ANKFN1: variants seen among roughly 807,000 people sequenced by gnomAD.
ANKFN1 encodes the protein ankyrin repeat and fibronectin type-III domain-containing protein 1.
Under a neutral mutation model 108.7 loss-of-function variants are expected in ANKFN1, and 74 were observed. The ratio of observed to expected loss-of-function variants is 0.68; its 90% CI spans 0.56 to 0.83. The LOEUF is 0.83. Among genes scored for constraint, ANKFN1 ranks in the 40% least tolerant of loss-of-function variants. The pLI is 0.00. For missense variants in ANKFN1, 1,505 were observed against 1,382.3 expected (o/e 1.09, Z -1.41); for synonymous variants, 547 against 516.2 (o/e 1.06, Z -0.81).
intron 3 of ANKFN1, among the ~76,000 whole-genome samples, chr17:56,261,374 A>G (rs148801171): frequency 3.9e-5 from 6 of 152,358 alleles, no homozygotes; most frequent in African/African-American, 1.4e-4. Flanking sequence ...GGGTAGCTCT[A>G]TAACTCCAGT....
intron 8 of ANKFN1, among the ~76,000 whole-genome samples, chr17:56,428,002 G>A (rs1006100152): frequency 7.9e-5 from 12 of 152,148 alleles, no homozygotes; most frequent in Admixed American, 3.3e-4. Context: ...GAAGGCCAAA[G>A]CAGGTGGATC....
chr17:56,419,280 G>A (rs912035528), intron 8 of ANKFN1, among the ~76,000 whole-genome samples: 29 of 147,656 alleles, frequency 2.0e-4, no homozygotes, highest in African/African-American at 7.0e-4. Flanking sequence ...TCTGGAATTC[G>A]AGACCAGCCT....
intron 15 of ANKFN1, chr17:56,472,939 A>G (rs997351279): frequency 3.9e-5 from 6 of 152,264 alleles, no homozygotes; most frequent in Non-Finnish European, 7.3e-5. Flanking sequence ...AATTGAGAGC[A>G]TGATAAAGAA....
At chr17:56,326,143 G>A in intron 3 of ANKFN1, 78 bp from the exon 4 acceptor site, 1 of 1,495,592 alleles carries the variant, frequency 6.7e-7, no homozygotes, top group Non-Finnish European at 8.9e-7. Context: ...CTTTTATTTT[G>A]CATTAAGAGT....
chr17:56,310,561 G>A (rs1350403691), intron 3 of ANKFN1, among the ~76,000 whole-genome samples: 1 of 151,316 alleles, frequency 6.6e-6, no homozygotes, highest in African/African-American at 2.4e-5. Flanking sequence ...AGCTTGCAGT[G>A]AGCCGAGATC....
chr17:56,353,709 A>T (rs1011463812), intron 5 of ANKFN1, 127 bp from the exon 6 acceptor site: 3 of 769,020 alleles, frequency 3.9e-6, no homozygotes, highest in Non-Finnish European at 6.5e-6. Flanking sequence ...CCTTGGGATA[A>T]ATTGTAGTTA....
chr17:56,081,601 C>T (rs1251946660), intron 4 of ANKFN1, among the ~76,000 whole-genome samples: 1 of 152,170 alleles, frequency 6.6e-6, no homozygotes, highest in Admixed American at 6.5e-5. Flanking sequence ...TATCCGCCTG[C>T]CTCAGCCTCC....
chr17:56,059,351 C>T (rs1904933796), intron 4 of ANKFN1, among the ~76,000 whole-genome samples: 1 of 152,096 alleles, frequency 6.6e-6, no homozygotes, highest in South Asian at 2.1e-4. Context: ...AGATGGGCAG[C>T]TTGCAAAAAT....
At chr17:56,492,801 G>T (rs2051084329) in intron 19 of ANKFN1, among the ~76,000 whole-genome samples, 1 of 152,060 alleles carries the variant, frequency 6.6e-6, no homozygotes. Context: ...CATGTTTTGG[G>T]CTTCTTTCTC....
At chr17:56,270,534 G>T (rs535683216) in intron 3 of ANKFN1, among the ~76,000 whole-genome samples, 3 of 152,270 alleles carry the variant, frequency 2.0e-5, no homozygotes, top group Admixed American at 6.5e-5. Context: ...CCTCCTAGTT[G>T]GTGGCTCTGC....
rs1468460439 is a variant in ANKFN1, at chr17:56,514,982, G to A, written c.*3713G>A. On this transcript the variant is annotated 3_prime_UTR_variant, in exon 21 of 21. Coordinates refer to ENST00000682825, the MANE Select transcript of ANKFN1 (RefSeq NM_001370326.1). ...GAAGATAACTCTGTTAGACGAGGAG[G>A]CATCCCAGAAAATACCTGCTTGGCC... Among the ~76,000 whole-genome samples, 1 of 152,004 alleles carries A rather than the reference G, an allele frequency of 6.6e-6. No individual in the cohort carries two copies. Among genetic ancestry groups the A allele is most frequent in the East Asian group, 1.9e-4 (1 of 5,146 alleles).
At chr17:56,265,740 C>T (rs2043633097) in intron 3 of ANKFN1, among the ~76,000 whole-genome samples, 1 of 152,172 alleles carries the variant, frequency 6.6e-6, no homozygotes, top group Admixed American at 6.5e-5. Context: ...TACACATCCT[C>T]TTATTTACTT....
intron 3 of ANKFN1, among the ~76,000 whole-genome samples, chr17:56,282,524 A>G (rs1211739807): frequency 1.3e-5 from 2 of 152,204 alleles, no homozygotes; most frequent in African/African-American, 4.8e-5. Flanking sequence ...TAAGTACTAT[A>G]AAGTGTTTTA....
chr17:56,122,468 T>A (rs1010834305), intron 4 of ANKFN1, among the ~76,000 whole-genome samples: 10 of 152,198 alleles, frequency 6.6e-5, no homozygotes, highest in Non-Finnish European at 1.3e-4. Flanking sequence ...CTACTCCCTA[T>A]AATGATTAGA....
intron 18 of ANKFN1, among the ~76,000 whole-genome samples, chr17:56,488,784 G>A (rs1228256939): frequency 6.6e-6 from 1 of 152,212 alleles, no homozygotes; most frequent in African/African-American, 2.4e-5. Context: ...ACATGGCCCA[G>A]ACTGATTAGG....
intron 4 of ANKFN1, among the ~76,000 whole-genome samples, chr17:56,104,226 A>T (rs1049797019): frequency 3.9e-5 from 6 of 152,258 alleles, no homozygotes; most frequent in Non-Finnish European, 5.9e-5. Flanking sequence ...CTCACCTGGG[A>T]AACATTTCTC....
rs1485874376 is a variant in ANKFN1, at chr17:56,492,267, A to G, written c.2341A>G (p.Thr781Ala). ...SAVVELDSLN[T>A]QQSLREAISD... ...TGTTGTGGAGCTGGATTCTCTGAAC[A>G]CCCAACAGTCCCTCAGGGAAGCAAT... is the stretch of plus-strand genomic sequence containing the variant. Residue 781 changes from threonine (T) to alanine (A), a missense_variant, in exon 19 of 21, where the codon ACC (threonine) becomes GCC (alanine). Coordinates refer to ENST00000682825, the MANE Select transcript of ANKFN1 (RefSeq NM_001370326.1). The G allele has an allele frequency of 1.3e-5, 9 of 702,604 alleles. No homozygotes were observed. In the Admixed American group the frequency reaches 1.6e-4, roughly 12 times the overall value. The allele number at this position is 702,604 out of a possible 1,614,324, so 43.5% of individuals were successfully genotyped here.
At chr17:56,505,093 C>T (rs1268603917) in intron 20 of ANKFN1, among the ~76,000 whole-genome samples, 2 of 152,112 alleles carry the variant, frequency 1.3e-5, no homozygotes, top group African/African-American at 4.8e-5. Context: ...GACAGGACTT[C>T]AGTCCAGGTT....
intron 1 of ANKFN1, among the ~76,000 whole-genome samples, chr17:56,172,604 G>T (rs372499531): frequency 6.6e-6 from 1 of 152,160 alleles, no homozygotes; most frequent in Non-Finnish European, 1.5e-5. Flanking sequence ...GACATGGGAG[G>T]TGCCAACTCA....
Sources: gnomAD v4.1 joint callset for allele counts (sites outside exome capture counted in the v4.1 genomes callset) on GRCh38, gnomAD v4.1.1 for gene constraint, MANE v1.5 for transcripts, NCBI Gene and HGNC (gene_info 2026-07-23, HGNC 2026-07-21) for gene names.